Variants in ARHGAP26 observed in about 807,000 individuals in gnomAD.
The protein encoded by ARHGAP26 is Rho GTPase activating protein 26.
Under a neutral mutation model 104.8 loss-of-function variants are expected in ARHGAP26, and 38 were observed. The observed-to-expected ratio is 0.36, with a 90% CI of 0.28 to 0.48. ARHGAP26 has a LOEUF of 0.48. Among genes scored for constraint, ARHGAP26 ranks in the 20% least tolerant of loss-of-function variants. The probability of loss-of-function intolerance (pLI) is 0.99; values close to 1 mark genes in which losing one functional copy is unlikely to be tolerated. For missense variants in ARHGAP26, 704 were observed against 947.9 expected (o/e 0.74, Z 3.38); for synonymous variants, 341 against 340.0 (o/e 1.00, Z -0.03).
At chr5:142,937,758 G>A (rs1765647651) in intron 11 of ARHGAP26, among the ~76,000 whole-genome samples, 1 of 151,922 alleles carries the variant, frequency 6.6e-6, no homozygotes, top group Admixed American at 6.6e-5. Context: ...TGCATCTTAG[G>A]AGCATTATGC....
At position 143,176,655 on chromosome 5, in the gene ARHGAP26, A is replaced by G. The variant is rs542086831; in HGVS notation, c.1988+29274A>G. Among the ~76,000 whole-genome samples the G allele has an allele frequency of 2.0e-5, 3 of 152,346 alleles. No homozygotes were observed. In the East Asian group the frequency reaches 5.8e-4, roughly 29 times the overall value. On this transcript the variant is annotated intron_variant, in intron 20 of 22. Coordinates refer to ENST00000645722, the MANE Select transcript of ARHGAP26 (RefSeq NM_001135608.3). ...CTTTTAAATTTTGATGTTAAAAAGC[A>G]CTTGGAAAGACAGTTCATTTTGGAG...
chr5:143,207,114 G>C lies in ARHGAP26; in HGVS notation c.1989-84G>C. The C allele has an allele frequency of 2.0e-6, 3 of 1,531,570 alleles. No homozygotes were observed. The South Asian group carries it at 3.8e-5, about 19-fold the overall frequency. 94.9% of individuals were successfully genotyped at this position (1,531,570 alleles called of 1,614,324 possible). A position where few individuals can be genotyped will look rare whatever the true frequency, so the allele number is the denominator to read the frequency against. ...GCTCCTCTGCTCTGCCCAGCTTTCC[G>C]TCATCTGGCCTCCCATGACCTCCTG... is the stretch of plus-strand genomic sequence containing the variant. On this transcript the variant is annotated intron_variant, in intron 20 of 22. Transcript: ENST00000645722.
At chr5:143,133,011 TAC>T (rs1797534280) in intron 18 of ARHGAP26, among the ~76,000 whole-genome samples, 1 of 152,324 alleles carries the variant, frequency 6.6e-6, no homozygotes, top group Non-Finnish European at 1.5e-5. Context: ...ACATGAAAAG[TAC>T]ACAGTGTGAC....
chr5:143,056,043 A>G lies in ARHGAP26; in HGVS notation c.1389A>G (p.Pro463=). 5 of 1,613,162 alleles carry G rather than the reference A, an allele frequency of 3.1e-6. No individual in the cohort carries two copies. In the South Asian group the frequency reaches 5.5e-5, roughly 18 times the overall value. ...TTTCCTCCAGAATGCTTCCAGGACC[A>G]CTCATGATGTACCAGTTTCAAAGAA... ...LKTYLRMLPG[P]LMMYQFQRSF... is the part of the protein sequence containing the mutation. The change falls in exon 16 of 23, where the codon CCA becomes CCG. Residue 463 remains proline, a synonymous_variant. Coordinates refer to ENST00000645722, the MANE Select transcript of ARHGAP26 (RefSeq NM_001135608.3).
chr5:143,181,890 C>T (rs531028932), intron 20 of ARHGAP26, among the ~76,000 whole-genome samples: 7 of 152,344 alleles, frequency 4.6e-5, no homozygotes, highest in Admixed American at 1.3e-4. Flanking sequence ...AAAATCTAAA[C>T]TGTTTCTCAT....
At chr5:143,196,408 T>C (rs1038575478) in intron 20 of ARHGAP26, among the ~76,000 whole-genome samples, 1 of 152,218 alleles carries the variant, frequency 6.6e-6, no homozygotes, top group Non-Finnish European at 1.5e-5. Flanking sequence ...TACTAAGCCA[T>C]TGCATGGAGG....
intron 6 of ARHGAP26, among the ~76,000 whole-genome samples, chr5:142,897,585 C>G (rs1216400922): frequency 6.6e-6 from 1 of 152,190 alleles, no homozygotes; most frequent in Admixed American, 6.5e-5. Flanking sequence ...TTTAGTAAAC[C>G]TTCCCCGTGA....
chr5:143,054,315 A>G, intron 14 of ARHGAP26, 124 bp from the exon 15 acceptor site: 2 of 584,216 alleles, frequency 3.4e-6, no homozygotes, highest in South Asian at 6.4e-5. Flanking sequence ...TAAAAAAAAT[A>G]CTTGTCATTT....
intron 1 of ARHGAP26, among the ~76,000 whole-genome samples, chr5:142,849,208 T>G (rs781086049): frequency 1.3e-4 from 20 of 152,212 alleles, no homozygotes; most frequent in Admixed American, 2.6e-4. Context: ...CAGGATAATT[T>G]TCACTAGCTA....
rs2151439696 is a variant in ARHGAP26 at position 143,224,322 on chromosome 5, T to C, written c.*1876T>C. The C allele has an allele frequency of 8.6e-6, 2 of 231,866 alleles. No homozygotes were observed. The highest frequency in any genetic ancestry group is 6.1e-5 in the East Asian group (1 of 16,382). The allele number at this position is 231,866 out of a possible 1,614,324, so 14.4% of individuals were successfully genotyped here. On this transcript the variant is annotated 3_prime_UTR_variant, in exon 23 of 23. Transcript: ENST00000645722. ...CTGAAGGAAAGAGAAGACATTTCTATGGCCTTGCTCTCTGCTGTCCTGTTG... is the reference window on the plus strand; with the variant it reads ...CTGAAGGAAAGAGAAGACATTTCTACGGCCTTGCTCTCTGCTGTCCTGTTG...
chr5:143,166,574 T>G (rs1300496415), intron 20 of ARHGAP26, among the ~76,000 whole-genome samples: 1 of 152,212 alleles, frequency 6.6e-6, no homozygotes, highest in East Asian at 1.9e-4. Flanking sequence ...TTCTGCTTCC[T>G]TTTAGCTTTG....
chr5:142,930,943 C>T (rs1764627697), intron 10 of ARHGAP26, among the ~76,000 whole-genome samples: 1 of 152,136 alleles, frequency 6.6e-6, no homozygotes, highest in Non-Finnish European at 1.5e-5. Flanking sequence ...CAGGCTTGTG[C>T]TGCTCAGGGT....
At chr5:142,828,044 T>TA (rs1438982644) in intron 1 of ARHGAP26, among the ~76,000 whole-genome samples, 3 of 152,346 alleles carry the variant, frequency 2.0e-5, no homozygotes, top group South Asian at 4.1e-4. Context: ...TGGGAATAGT[T>TA]ACGCACGCTA....
rs79130633 is a variant in ARHGAP26 at position 143,061,773 on chromosome 5, G to A, written c.1538+4026G>A. On this transcript the variant is annotated intron_variant, in intron 17 of 22. Coordinates refer to ENST00000645722, the MANE Select transcript of ARHGAP26 (RefSeq NM_001135608.3). ...ATTTTCATGTTCCTGCTCAGCCAGC[G>A]TCTTGTGTTGGCTAGCTCCTCGCAG... Among the ~76,000 whole-genome samples the A allele has an allele frequency of 1.9e-3, 294 of 152,322 alleles. 7 individuals are homozygous for A. The East Asian group carries it at 0.043, about 22-fold the overall frequency.
In ARHGAP26 at chr5:142,894,231, T is replaced by C. The variant is rs781202167; in HGVS notation, c.487-7T>C. The C allele has an allele frequency of 6.2e-7, 1 of 1,613,002 alleles. No individual in the cohort carries two copies. The highest frequency in any genetic ancestry group is 2.2e-5 in the East Asian group (1 of 44,866). On this transcript the variant is annotated splice_polypyrimidine_tract_variant and splice_region_variant and intron_variant, in intron 5 of 22. Transcript: ENST00000645722. ...GATTTTTCTCTTAAATTCCATCTTG[T>C]TTGTAGGCAGACAGCCAAGTGGACC...
At chr5:142,786,817 T>C (rs1260977095) in intron 1 of ARHGAP26, among the ~76,000 whole-genome samples, 2 of 152,064 alleles carry the variant, frequency 1.3e-5, no homozygotes, top group African/African-American at 4.8e-5. Flanking sequence ...CGGCTAATTT[T>C]TGTATTTTTA....
chr5:142,771,542 A>G (rs1755204130), intron 1 of ARHGAP26, among the ~76,000 whole-genome samples: 1 of 152,200 alleles, frequency 6.6e-6, no homozygotes, highest in African/African-American at 2.4e-5. Context: ...TGTGTTTAGC[A>G]GAAGGTGATA....
At chr5:142,775,776 G>C (rs1476649063) in intron 1 of ARHGAP26, among the ~76,000 whole-genome samples, 9 of 152,098 alleles carry the variant, frequency 5.9e-5, no homozygotes. Context: ...TATTTTCAAG[G>C]TTCATCCATG....
At chr5:143,146,708 T>G (rs536491012) in intron 19 of ARHGAP26, among the ~76,000 whole-genome samples, 1 of 152,342 alleles carries the variant, frequency 6.6e-6, no homozygotes, top group South Asian at 2.1e-4. Flanking sequence ...GGTCAGGAAT[T>G]TAGACTGGTG....
Sources: allele counts gnomAD v4.1 joint callset (sites outside exome capture counted in the v4.1 genomes callset), GRCh38; gene constraint gnomAD v4.1.1; transcripts MANE v1.5; gene names NCBI Gene and HGNC (gene_info 2026-07-23, HGNC 2026-07-21).